SPART: variants seen among roughly 807,000 people sequenced by gnomAD.
The protein encoded by SPART is spartin, also known as spastic paraplegia 20 (Troyer syndrome).
In SPART, 35 loss-of-function variants were observed where a neutral mutation model predicts 58.7. The observed-to-expected ratio is 0.60, with a 90% confidence interval of 0.46 to 0.79. The LOEUF is 0.79. SPART is among the 30% of genes least tolerant of loss of function. SPART has a pLI of 0.00. For synonymous variants in SPART, 284 were observed against 280.7 expected, an observed-to-expected ratio of 1.01 and a Z score of -0.12; for missense variants, 730 against 786.1, an observed-to-expected ratio of 0.93 and a Z score of 0.85.
intron 5 of SPART, among the ~76,000 whole-genome samples, chr13:36,318,093 C>T (rs1881932627): frequency 6.6e-6 from 1 of 152,078 alleles, no homozygotes; most frequent in Admixed American, 6.6e-5. Context: ...TCTACAGACC[C>T]ATCTGACCTC....
Position 36,302,308 on chromosome 13 carries a change from T to C in SPART, c.*2057A>G, listed in dbSNP as rs1880064546. 1 of 152,136 alleles carries C rather than the reference T, an allele frequency of 6.6e-6. No individual in the cohort carries two copies. Among genetic ancestry groups the C allele is most frequent in the African/African-American group, 2.4e-5 (1 of 41,430 alleles). 9.4% of individuals were successfully genotyped at this position (152,136 alleles called of 1,614,324 possible). A position where few individuals can be genotyped will look rare whatever the true frequency, so the allele number is the denominator to read the frequency against. On this transcript the variant is annotated 3_prime_UTR_variant, in exon 9 of 9. Transcript: ENST00000438666. ...GCCTATCTCCTAATGAGTCAGTGAA[T>C]GGTGGGAAAAGTCCATTTTCTATAG...
At chr13:36,337,577 C>T (rs1435325229) in intron 1 of SPART, among the ~76,000 whole-genome samples, 1 of 152,172 alleles carries the variant, frequency 6.6e-6, no homozygotes, top group Non-Finnish European at 1.5e-5. Context: ...TCCCCTTCAT[C>T]TTCCGCCATG....
At chr13:36,369,102 A>G (rs1246089113) in intron 1 of SPART, among the ~76,000 whole-genome samples, 2 of 152,214 alleles carry the variant, frequency 1.3e-5, no homozygotes, top group African/African-American at 2.4e-5. Context: ...TTCCAAGGTC[A>G]TTTGCCTCCC....
chr13:36,329,060 C>G (rs973755837), intron 4 of SPART, among the ~76,000 whole-genome samples: 2 of 152,102 alleles, frequency 1.3e-5, no homozygotes, highest in African/African-American at 4.8e-5. Flanking sequence ...ATGTTTGCAC[C>G]ACTGCACTCC....
At chr13:36,347,151 A>C (rs1885199104), upstream of SPART, among the ~76,000 whole-genome samples, 1 of 151,984 alleles carries the variant, frequency 6.6e-6, no homozygotes, top group Non-Finnish European at 1.5e-5. Flanking sequence ...CTTAGGGAAA[A>C]AAAAACAGAA....
intron 6 of SPART, 79 bp downstream of exon 6, chr13:36,314,148 G>A: frequency 7.4e-7 from 1 of 1,358,480 alleles, no homozygotes; most frequent in Non-Finnish European, 1.0e-6. Flanking sequence ...CCATCTAAAT[G>A]AACATGCAGA....
chr13:36,344,357 T>C (rs1742505951), intron 1 of SPART, among the ~76,000 whole-genome samples: 1 of 152,154 alleles, frequency 6.6e-6, no homozygotes, highest in Non-Finnish European at 1.5e-5. Flanking sequence ...GGGAACAAGA[T>C]GGCTACTGAG....
chr13:36,308,624 T>C (rs1232228394), intron 8 of SPART, among the ~76,000 whole-genome samples: 1 of 130,824 alleles, frequency 7.6e-6, no homozygotes, highest in Non-Finnish European at 1.6e-5. Flanking sequence ...ATAAGCTAAT[T>C]GTAGTTAGGT....
intron 1 of SPART, among the ~76,000 whole-genome samples, chr13:36,352,872 A>C (rs996221968): frequency 1.3e-5 from 2 of 152,100 alleles, no homozygotes; most frequent in Non-Finnish European, 2.9e-5. Context: ...AGGTGGGAGA[A>C]TCTCTCAAGC....
intron 1 of SPART, chr13:36,368,257 CCT>C: frequency 2.3e-6 from 1 of 430,694 alleles, no homozygotes; most frequent in Non-Finnish European, 4.8e-6. Flanking sequence ...ACAGGTGTGT[CCT>C]CTGCCCAAAC....
chr13:36,310,574 ACTT>A (rs1193177229), intron 8 of SPART, among the ~76,000 whole-genome samples: 1 of 151,970 alleles, frequency 6.6e-6, no homozygotes, highest in Non-Finnish European at 1.5e-5. Context: ...CCTAGTTAAA[ACTT>A]CTCTCTCCCC....
intron 8 of SPART, among the ~76,000 whole-genome samples, chr13:36,311,588 TA>T (rs1185667934): frequency 2.6e-5 from 4 of 151,916 alleles, no homozygotes; most frequent in African/African-American, 9.7e-5. Flanking sequence ...TCCAGGCTTT[TA>T]AAAAAAATAA....
At chr13:36,323,141 T>A (rs541001934) in intron 5 of SPART, among the ~76,000 whole-genome samples, 28 of 152,176 alleles carry the variant, frequency 1.8e-4, no homozygotes, top group Admixed American at 1.4e-3. Flanking sequence ...GATCATTCCG[T>A]CTCACTCCAT....
Position 36,304,222 on chromosome 13 carries a change from C to T in SPART, c.*143G>A. ...CTTTTCCTTTTAAATAGAAGACATG[C>T]CATAAAATTTATGAAAGTTAATTTG... On this transcript the variant is annotated 3_prime_UTR_variant, in exon 9 of 9. Coordinates refer to ENST00000438666, the MANE Select transcript of SPART (RefSeq NM_015087.5). The T allele has an allele frequency of 1.1e-6, 1 of 934,904 alleles. No individual in the cohort carries two copies. Among genetic ancestry groups the T allele is most frequent in the Non-Finnish European group, 1.7e-6 (1 of 600,256 alleles). The allele number at this position is 934,904 out of a possible 1,614,324, so 57.9% of individuals were successfully genotyped here. A position where few individuals can be genotyped will look rare whatever the true frequency, so the allele number is the denominator to read the frequency against.
rs1006229231 is a variant in SPART at position 36,331,519 on chromosome 13, A to C, written c.888T>G (p.Pro296=). ...ATCCTGCTGCTTGTAGCATTGTATC[A>C]GGAAACATGTAGGCTCCCGCAGTAC... ...LKCTAGAYMF[P]DTMLQAAGCF... is the part of the protein sequence containing the mutation. Residue 296 remains proline (P), a synonymous_variant, in exon 3 of 9, where the codon CCT becomes CCG. Transcript: ENST00000438666. The C allele has an allele frequency of 6.2e-7, 1 of 1,614,134 alleles. No individual in the cohort carries two copies. Among genetic ancestry groups the C allele is most frequent in the Non-Finnish European group, 8.5e-7 (1 of 1,180,000 alleles).
intron 5 of SPART, among the ~76,000 whole-genome samples, chr13:36,321,530 A>C (rs1197353754): frequency 6.6e-6 from 1 of 151,920 alleles, no homozygotes; most frequent in East Asian, 1.9e-4. Context: ...TGTTTCTTCT[A>C]ACAACCCCAC....
At chr13:36,346,730 C>G (rs886936166), upstream of SPART, 4 of 152,854 alleles carry the variant, frequency 2.6e-5, no homozygotes, top group Admixed American at 1.3e-4. Flanking sequence ...AGGCACGGTC[C>G]CCTGCGGCCA....
intron 5 of SPART, among the ~76,000 whole-genome samples, chr13:36,316,181 T>C (rs982815405): frequency 1.3e-5 from 2 of 152,232 alleles, no homozygotes; most frequent in East Asian, 3.9e-4. Context: ...TTGGCAGATA[T>C]TAAAATTCCC....
chr13:36,341,300 C>G (rs938511540), intron 1 of SPART, among the ~76,000 whole-genome samples: 2 of 152,104 alleles, frequency 1.3e-5, no homozygotes, highest in Non-Finnish European at 2.9e-5. Context: ...GTAATTTATA[C>G]TTTTCTAATA....
Sources: allele counts gnomAD v4.1 joint callset (sites outside exome capture counted in the v4.1 genomes callset), GRCh38; gene constraint gnomAD v4.1.1; transcripts MANE v1.5; gene names NCBI Gene and HGNC (gene_info 2026-07-23, HGNC 2026-07-21).